Variants in BLOC1S5 observed in about 807,000 individuals in gnomAD.
The protein encoded by BLOC1S5 is biogenesis of lysosome-related organelles complex 1 subunit 5.
A neutral mutation model predicts 24.3 loss-of-function variants in BLOC1S5; 27 were observed. The observed-to-expected ratio is 1.11, with a 90% CI of 0.82 to 1.53. The LOEUF (loss-of-function observed/expected upper bound fraction) is 1.53. Among genes scored for constraint, BLOC1S5 ranks in the 40% most tolerant of loss-of-function variants. The probability of loss-of-function intolerance (pLI) is 0.00; values close to 1 mark genes in which losing one functional copy is unlikely to be tolerated. For missense variants in BLOC1S5, 239 were observed against 229.4 expected, an observed-to-expected ratio of 1.04 and a Z score of -0.27; for synonymous variants, 84 against 74.5, an observed-to-expected ratio of 1.13 and a Z score of -0.66.
rs557709191 is a variant in BLOC1S5 at position 8,028,750 on chromosome 6, C to T, written c.326-2325G>A. On this transcript the variant is annotated intron_variant, in intron 3 of 4. Transcript: ENST00000397457. Reference sequence around the variant, plus strand: ...ACCTTTTAACTCTTTAGGCACACAACGGAAAAGGTTTACTTTCTGAATTTA... The same window carrying T: ...ACCTTTTAACTCTTTAGGCACACAATGGAAAAGGTTTACTTTCTGAATTTA... Among the ~76,000 whole-genome samples, 9 of 146,058 alleles carry T rather than the reference C, an allele frequency of 6.2e-5. 1 individual carries two copies. The South Asian group carries it at 6.5e-4, about 11-fold the overall frequency.
intron 2 of BLOC1S5, among the ~76,000 whole-genome samples, chr6:8,057,955 C>T (rs139408232): frequency 9.1e-4 from 139 of 152,264 alleles, no homozygotes; most frequent in African/African-American, 2.8e-3. Flanking sequence ...TCAAGTCTTT[C>T]GTGCTTATAA....
Position 8,031,727 on chromosome 6 carries a change from G to A in BLOC1S5, c.326-5302C>T, listed in dbSNP as rs148719326. On this transcript the variant is annotated intron_variant, in intron 3 of 4. Transcript: ENST00000397457. ...TACCTGACTTCAAACTACACTACAAGGCTATAGTCACCAAAACAGCATGGA... is the reference window on the plus strand; with the variant it reads ...TACCTGACTTCAAACTACACTACAAAGCTATAGTCACCAAAACAGCATGGA... Among the ~76,000 whole-genome samples, 473 of 152,160 alleles carry A rather than the reference G, an allele frequency of 3.1e-3. 1 individual carries two copies. Among genetic ancestry groups the A allele is most frequent in the Middle Eastern group, 0.01 (3 of 294 alleles).
At chr6:8,053,512 T>G (rs1431718692) in intron 2 of BLOC1S5, among the ~76,000 whole-genome samples, 2 of 152,206 alleles carry the variant, frequency 1.3e-5, no homozygotes, top group South Asian at 2.1e-4. Context: ...AGCAAGAAAG[T>G]ATTTTTAAAT....
At position 8,062,560 on chromosome 6, in the gene BLOC1S5, T is replaced by C; in HGVS notation, c.169A>G (p.Thr57Ala). 1 of 1,597,524 alleles carries C rather than the reference T, an allele frequency of 6.3e-7. No homozygotes were observed. Among genetic ancestry groups the C allele is most frequent in the Non-Finnish European group, 8.5e-7 (1 of 1,170,042 alleles). ...LDHRPVIQGE[T>A]RYFVKEFEEK... ...TCAAATTCTTTTACAAAATAACGAG[T>C]TTCACCTTGAATAACTGGTCTGTGA... Residue 57 changes from threonine to alanine, a missense_variant, in exon 2 of 5, where the codon ACT (threonine) becomes GCT (alanine). Coordinates refer to ENST00000397457, the MANE Select transcript of BLOC1S5 (RefSeq NM_201280.3).
chr6:8,053,396 C>A (rs1290534836), intron 2 of BLOC1S5, among the ~76,000 whole-genome samples: 1 of 152,296 alleles, frequency 6.6e-6, no homozygotes. Flanking sequence ...CAACCTTCTG[C>A]AACCACCACC....
Position 8,026,416 on chromosome 6 carries a change from G to C in BLOC1S5, c.335C>G (p.Ala112Gly). Residue 112 changes from alanine (A) to glycine (G), a missense_variant, in exon 4 of 5, where the codon GCT becomes GGT. Ala to Gly is a moderately conservative substitution (Grantham distance 60). Coordinates refer to ENST00000397457, the MANE Select transcript of BLOC1S5 (RefSeq NM_201280.3). The part of the protein sequence containing the change: ...LSQVLQRLQA[A>G]NDSVCRLQQR... ...TTGGAGTCTACAGACTGAGTCATTA[G>C]CTGCTTGCACTGAAATGAAAAAGAC... is the stretch of plus-strand genomic sequence containing the variant. The C allele has an allele frequency of 6.2e-7, 1 of 1,613,244 alleles. No homozygotes were observed. The highest frequency in any genetic ancestry group is 8.5e-7 in the Non-Finnish European group (1 of 1,179,622).
chr6:8,051,969 C>CTTTTTT (rs770301308), intron 2 of BLOC1S5, among the ~76,000 whole-genome samples: 2 of 110,014 alleles, frequency 1.8e-5, no homozygotes, highest in Admixed American at 1.1e-4. Context: ...ACATCCATGC[C>CTTTTTT]TTTTTTTTTT....
chr6:8,028,621 A>C (rs1260323552), intron 3 of BLOC1S5, among the ~76,000 whole-genome samples: 1 of 152,194 alleles, frequency 6.6e-6, no homozygotes, highest in East Asian at 1.9e-4. Context: ...TTAAAATTCT[A>C]ATCAGAACAC....
chr6:8,056,600 C>T lies in BLOC1S5; in HGVS notation c.195+5934G>A, dbSNP rs765050741. On this transcript the variant is annotated intron_variant, in intron 2 of 4. Transcript: ENST00000397457. ...TATGGCACAGACTCATTTACATGTA[C>T]AAGAAAATGGTCTCTCAGTTCAAAG... Among the ~76,000 whole-genome samples the T allele has an allele frequency of 2.0e-4, 31 of 152,096 alleles. 1 individual carries two copies. The highest frequency in any genetic ancestry group is 5.9e-5 in the Non-Finnish European group (4 of 68,026).
intron 3 of BLOC1S5, chr6:8,027,302 G>A (rs17143312): frequency 0.022 from 10,006 of 455,500 alleles, 520 homozygotes; most frequent in African/African-American, 0.13. Flanking sequence ...ATGTTTGCTC[G>A]CTCAATTATT....
intron 3 of BLOC1S5, chr6:8,027,184 T>G: frequency 3.3e-6 from 1 of 305,370 alleles, no homozygotes; most frequent in South Asian, 2.8e-5. Flanking sequence ...ATGCATTTTC[T>G]GTTCATAAAT....
chr6:8,021,095 C>T (rs1049050856), intron 4 of BLOC1S5, among the ~76,000 whole-genome samples: 10 of 152,152 alleles, frequency 6.6e-5, no homozygotes, highest in African/African-American at 2.4e-4. Flanking sequence ...CTGACACATG[C>T]TACGGCATGG....
chr6:8,035,594 C>G (rs1763460325), intron 3 of BLOC1S5, among the ~76,000 whole-genome samples: 1 of 152,104 alleles, frequency 6.6e-6, no homozygotes, highest in African/African-American at 2.4e-5. Flanking sequence ...ACTATACTTA[C>G]ATCAAATAAA....
At chr6:8,017,990 G>A (rs1762801000) in intron 4 of BLOC1S5, 1 of 152,230 alleles carries the variant, frequency 6.6e-6, no homozygotes, top group Non-Finnish European at 1.5e-5. Flanking sequence ...TTCAACTTCA[G>A]ACTCACGTCA....
chr6:8,046,655 AT>A (rs35169230), intron 2 of BLOC1S5, among the ~76,000 whole-genome samples: 62,139 of 151,998 alleles, frequency 0.41, 14,645 homozygotes, highest in East Asian at 0.8. Flanking sequence ...CTCATGACTG[AT>A]TTTTTTCCCC....
At chr6:8,061,665 C>T (rs936067227) in intron 2 of BLOC1S5, among the ~76,000 whole-genome samples, 8 of 152,228 alleles carry the variant, frequency 5.3e-5, no homozygotes, top group Non-Finnish European at 7.3e-5. Flanking sequence ...GTTTGCACAT[C>T]CTGACTGGTC....
At chr6:8,050,660 CG>C (rs1323357958) in intron 2 of BLOC1S5, among the ~76,000 whole-genome samples, 2 of 149,864 alleles carry the variant, frequency 1.3e-5, no homozygotes, top group Admixed American at 1.3e-4. Context: ...TGGAGTGCGG[CG>C]GTGTGATCTC....
intron 2 of BLOC1S5, among the ~76,000 whole-genome samples, chr6:8,059,520 C>T (rs1764443597): frequency 6.6e-6 from 1 of 152,218 alleles, no homozygotes; most frequent in South Asian, 2.1e-4. Context: ...GAGGTACCAG[C>T]AGCTCTGCTT....
chr6:8,058,699 CA>C (rs780185371), intron 2 of BLOC1S5, among the ~76,000 whole-genome samples: 1 of 151,554 alleles, frequency 6.6e-6, no homozygotes, highest in East Asian at 1.9e-4. Flanking sequence ...CAAAACAAAA[CA>C]AAAAAAATGC....
Sources: gnomAD v4.1 joint callset for allele counts (sites outside exome capture counted in the v4.1 genomes callset) on GRCh38, gnomAD v4.1.1 for gene constraint, MANE v1.5 for transcripts, NCBI Gene and HGNC (gene_info 2026-07-23, HGNC 2026-07-21) for gene names.